Variants in DMD observed in about 807,000 individuals in gnomAD.
DMD encodes mutant dystrophin.
DMD carries 63 observed loss-of-function variants against 330.1 expected under a neutral mutation model. That is an observed-to-expected ratio of 0.19 (90% CI 0.16 to 0.24). DMD has a LOEUF of 0.24. Ranked by LOEUF, DMD falls within the 10% of genes least tolerant of loss-of-function variation. DMD has a pLI of 1.00. For synonymous variants in DMD, 1,223 were observed against 959.8 expected, an observed-to-expected ratio of 1.27 and a Z score of -5.07; for missense variants, 3,344 against 2,684.1, an observed-to-expected ratio of 1.25 and a Z score of -5.43.
intron 9 of DMD, among the ~76,000 whole-genome samples, chrX:32,653,790 G>C (rs1348005184): frequency 8.9e-6 from 1 of 111,988 alleles, no homozygotes; most frequent in Middle Eastern, 4.2e-3. Context: ...CTATCCATGA[G>C]CATAGAATGT....
intron 51 of DMD, among the ~76,000 whole-genome samples, chrX:31,756,380 C>T (rs769843815): frequency 1.3e-3 from 150 of 112,388 alleles, no homozygotes; most frequent in African/African-American, 4.8e-3. Flanking sequence ...CCAAACATGT[C>T]CTAAATACTA....
chrX:31,844,570 T>C (rs1275581258), intron 48 of DMD, among the ~76,000 whole-genome samples: 3 of 111,972 alleles, frequency 2.7e-5, no homozygotes, highest in South Asian at 3.7e-4. Flanking sequence ...AAAAATGACA[T>C]TGCTAGTTTG....
chrX:31,339,143 A>G (rs1250182324), intron 61 of DMD, among the ~76,000 whole-genome samples: 1 of 110,980 alleles, frequency 9.0e-6, no homozygotes, highest in Non-Finnish European at 1.9e-5. Flanking sequence ...CATAGCAGAA[A>G]CAAAAACGTT....
At position 33,019,836 on chromosome X, in the gene DMD, A is replaced by T. The variant is rs2025666; in HGVS notation, c.93+303T>A. Among the ~76,000 whole-genome samples the T allele has an allele frequency of 0.099, 11,020 of 110,966 alleles. 764 individuals are homozygous for T. The highest frequency in any genetic ancestry group is 0.23 in the African/African-American group (6,981 of 30,487). Reference sequence around the variant, plus strand: ...CATATCTTCTTCTGCTGGGTGACATATTCTAGCTACTTGATGGAAGATTGC... The same window carrying T: ...CATATCTTCTTCTGCTGGGTGACATTTTCTAGCTACTTGATGGAAGATTGC... On this transcript the variant is annotated intron_variant, in intron 2 of 78. Transcript: ENST00000357033.
At chrX:33,154,360 G>A (rs902426489) in intron 1 of DMD, among the ~76,000 whole-genome samples, 8 of 111,748 alleles carry the variant, frequency 7.2e-5, no homozygotes, top group African/African-American at 2.6e-4. Context: ...CTGCACCATT[G>A]CACTCCAGCC....
chrX:32,122,413 A>G (rs1158669252), intron 44 of DMD, among the ~76,000 whole-genome samples: 1 of 111,842 alleles, frequency 8.9e-6, no homozygotes, highest in Admixed American at 9.5e-5. Flanking sequence ...AGACTTTGGT[A>G]TAATTACCAG....
At position 32,346,156 on chromosome X, in the gene DMD, A is replaced by G. The variant is rs747938261; in HGVS notation, c.5449-76T>C. 32 of 1,071,027 alleles carry G rather than the reference A, an allele frequency of 3.0e-5. No homozygotes were observed. In the South Asian group the frequency reaches 5.4e-4, roughly 18 times the overall value. The allele number at this position is 1,071,027 out of a possible 1,213,427, so 88.3% of individuals were successfully genotyped here. A position where few individuals can be genotyped will look rare whatever the true frequency, so the allele number is the denominator to read the frequency against. ...ACATTGTTAACAGAGATAATAAGAC[A>G]TGTTATTTAAACACACACAAAAATC... On this transcript the variant is annotated intron_variant, in intron 38 of 78. Coordinates refer to ENST00000357033, the MANE Select transcript of DMD (RefSeq NM_004006.3).
intron 9 of DMD, among the ~76,000 whole-genome samples, chrX:32,662,783 A>C (rs770688067): frequency 5.4e-5 from 6 of 112,082 alleles, no homozygotes; most frequent in African/African-American, 1.6e-4. Flanking sequence ...CTAAACAAAT[A>C]AATTTGCTCC....
intron 22 of DMD, among the ~76,000 whole-genome samples, chrX:32,470,247 A>T (rs184561165): frequency 9.0e-6 from 1 of 111,090 alleles, no homozygotes; most frequent in East Asian, 2.8e-4. Context: ...AAAAAAAAAG[A>T]TTCCTTGGTA....
intron 61 of DMD, among the ~76,000 whole-genome samples, chrX:31,339,774 C>T (rs1422629077): frequency 6.3e-5 from 7 of 111,873 alleles, no homozygotes; most frequent in African/African-American, 2.3e-4. Flanking sequence ...AGGGTTTCTC[C>T]ATGTTGGTCA....
At chrX:31,324,022 A>G (rs1402920641) in intron 61 of DMD, among the ~76,000 whole-genome samples, 8 of 111,105 alleles carry the variant, frequency 7.2e-5, no homozygotes, top group Middle Eastern at 4.6e-3. Context: ...ATTTTTTACT[A>G]TTTGACTGAC....
intron 7 of DMD, among the ~76,000 whole-genome samples, chrX:32,747,200 C>T (rs752735362): frequency 2.7e-5 from 3 of 112,240 alleles, no homozygotes; most frequent in Non-Finnish European, 5.6e-5. Flanking sequence ...CTCTAATTTG[C>T]GCAACAATTT....
chrX:32,071,290 A>G (rs2096295707), intron 44 of DMD, among the ~76,000 whole-genome samples: 1 of 110,000 alleles, frequency 9.1e-6, no homozygotes. Context: ...AACAGTGTAA[A>G]AGTGTTCCTG....
intron 19 of DMD, among the ~76,000 whole-genome samples, chrX:32,492,252 G>A (rs760586217): frequency 8.9e-6 from 1 of 111,857 alleles, no homozygotes; most frequent in East Asian, 2.8e-4. Flanking sequence ...GCAGGAGAAT[G>A]GCGTGAACCC....
At chrX:31,277,046 CT>C (rs756619605) in intron 62 of DMD, among the ~76,000 whole-genome samples, 1,368 of 109,079 alleles carry the variant, frequency 0.013, 23 homozygotes, top group African/African-American at 0.043. Flanking sequence ...GCCATTTTTT[CT>C]TTTTTTTTAA....
chrX:32,783,860 T>C (rs190696678), intron 7 of DMD, among the ~76,000 whole-genome samples: 1 of 110,777 alleles, frequency 9.0e-6, no homozygotes, highest in East Asian at 2.8e-4. Context: ...TAAGGCATCA[T>C]GGATTGAAAT....
At chrX:32,683,805 A>T (rs1193547143) in intron 9 of DMD, among the ~76,000 whole-genome samples, 1 of 109,617 alleles carries the variant, frequency 9.1e-6, no homozygotes, top group Non-Finnish European at 1.9e-5. Flanking sequence ...AAAAGAAAGA[A>T]AGAAGGAGTG....
At chrX:31,563,804 G>A (rs2075324263) in intron 55 of DMD, among the ~76,000 whole-genome samples, 1 of 112,302 alleles carries the variant, frequency 8.9e-6, no homozygotes, top group Non-Finnish European at 1.9e-5. Context: ...GGAACAATAT[G>A]TAGTCATTAA....
chrX:33,288,481 A>G (rs1293461489), intron 1 of DMD, among the ~76,000 whole-genome samples: 1 of 111,385 alleles, frequency 9.0e-6, no homozygotes, highest in Non-Finnish European at 1.9e-5. Flanking sequence ...CCCTCTCTAT[A>G]TTCTTCTCAC....
Sources: gnomAD v4.1 joint callset for allele counts (sites outside exome capture counted in the v4.1 genomes callset) on GRCh38, gnomAD v4.1.1 for gene constraint, MANE v1.5 for transcripts, NCBI Gene and HGNC (gene_info 2026-07-23, HGNC 2026-07-21) for gene names.